Variants in ARHGAP30 observed in about 807,000 individuals in gnomAD.
The protein encoded by ARHGAP30 is rho GTPase-activating protein 30.
Under a neutral mutation model 72.0 loss-of-function variants are expected in ARHGAP30, and 23 were observed. That is an observed-to-expected ratio of 0.32 (90% confidence interval 0.23 to 0.45). The LOEUF (loss-of-function observed/expected upper bound fraction) is 0.45. Ranked by LOEUF, ARHGAP30 falls within the 20% of genes least tolerant of loss-of-function variation. The pLI is 1.00. For missense variants in ARHGAP30, 1,319 were observed against 1,383.4 expected (o/e 0.95, Z 0.74); for synonymous variants, 576 against 528.2 (o/e 1.09, Z -1.24).
rs1343680037 is a variant in ARHGAP30, at chr1:161,053,498, CTCTCTCTCGA to C, written c.537-123_537-114del. On this transcript the variant is annotated intron_variant, in intron 5 of 11. Transcript: ENST00000368013. Reference sequence around the variant, plus strand: ...TCTCTCTCTCTCTCTCTCTCTCTCTCTCTCTCTCGAATGACCTTAACCCCTTCTCTACCTC... The same window carrying C: ...TCTCTCTCTCTCTCTCTCTCTCTCTCATGACCTTAACCCCTTCTCTACCTC... 4.4e-5 allele frequency: 40 copies of C among 919,534 alleles called. No homozygotes were observed. In the African/African-American group the frequency reaches 1.8e-3, roughly 42 times the overall value. 57.0% of individuals were successfully genotyped at this position (919,534 alleles called of 1,614,324 possible).
chr1:161,051,910 C>T (rs975101618), intron 9 of ARHGAP30, among the ~76,000 whole-genome samples, 195 bp from the exon 10 acceptor site: 4 of 152,028 alleles, frequency 2.6e-5, no homozygotes, highest in African/African-American at 7.2e-5. Context: ...GATCACCTCA[C>T]CTTCACATAC....
chr1:161,052,258 A>G (rs771704290), intron 9 of ARHGAP30, 28 bp downstream of exon 9: 49 of 1,612,680 alleles, frequency 3.0e-5, no homozygotes, highest in South Asian at 5.5e-5. Flanking sequence ...ACACACACAT[A>G]CACACAGAAA....
chr1:161,049,106 C>T lies in ARHGAP30; in HGVS notation c.1915G>A (p.Gly639Arg), dbSNP rs36089872. The T allele has an allele frequency of 0.021, 33,625 of 1,614,176 alleles. 458 individuals carry two copies. The highest frequency in any genetic ancestry group is 0.024 in the Non-Finnish European group (28,173 of 1,180,026). The change falls in exon 12 of 12, where the codon GGA becomes AGA. Residue 639 changes from glycine to arginine, a missense_variant. By Grantham distance (125) the Gly-to-Arg change is moderately radical. Transcript: ENST00000368013. ...TGTCCCAGAGCCTGCCTTCCACATC[C>T]TGCTGCCTCTCCCTCCAGACTCCCT... ...GSGSLEGEAA[G>R]CGRQALGQGG...
chr1:161,063,405 C>G (rs1010904085), intron 1 of ARHGAP30, among the ~76,000 whole-genome samples: 2 of 152,214 alleles, frequency 1.3e-5, no homozygotes, highest in Non-Finnish European at 2.9e-5. Flanking sequence ...AATCTCTAAA[C>G]ATAAATTGTA....
Position 161,047,865 on chromosome 1 carries a change from G to A in ARHGAP30, c.3156C>T (p.Leu1052=), listed in dbSNP as rs1650980577. Reference sequence around the variant, plus strand: ...CAGACCCTTCTGCACCTTCAGATGGGAGCTCCAGGCAGCTAAGGGGCCGAG... The same window carrying A: ...CAGACCCTTCTGCACCTTCAGATGGAAGCTCCAGGCAGCTAAGGGGCCGAG... The part of the protein sequence containing the change: ...HSPRPLSCLE[L]PSEGAEGSGS... The change falls in exon 12 of 12, where the codon CTC becomes CTT. Residue 1052 remains leucine (L), a synonymous_variant. Transcript: ENST00000368013. 4.3e-6 allele frequency: 7 copies of A among 1,611,694 alleles called. No homozygotes were observed. In the East Asian group the frequency reaches 8.9e-5, roughly 21 times the overall value.
At position 161,053,202 on chromosome 1, in the gene ARHGAP30, G is replaced by C. The variant is rs1023611707; in HGVS notation, c.664+56C>G. ...AAGTAGGTGATCTTCAAGGCTCTCT[G>C]TAACTAACTTGACTCCCCAACAGTG... On this transcript the variant is annotated intron_variant, in intron 6 of 11. Coordinates refer to ENST00000368013, the MANE Select transcript of ARHGAP30 (RefSeq NM_001025598.2). 1.2e-5 allele frequency: 20 copies of C among 1,604,268 alleles called. No homozygotes were observed. The Admixed American group carries it at 1.4e-4, about 11-fold the overall frequency.
chr1:161,068,596 C>A (rs1652932459), intron 1 of ARHGAP30, among the ~76,000 whole-genome samples: 1 of 152,128 alleles, frequency 6.6e-6, no homozygotes, highest in Non-Finnish European at 1.5e-5. Context: ...AAGAATTATG[C>A]CTTTCTCTAG....
Position 161,053,053 on chromosome 1 carries a change from C to T in ARHGAP30, c.664+205G>A, listed in dbSNP as rs1651535119. ...AGCCTTGGGAGCCAGGATGGTGACT[C>T]AGAGGTCAAGCCATGCCCTAGACTG... On this transcript the variant is annotated intron_variant, in intron 6 of 11. Transcript: ENST00000368013. The T allele has an allele frequency of 3.3e-6, 3 of 898,128 alleles. No individual in the cohort carries two copies. The South Asian group carries it at 5.3e-5, about 16-fold the overall frequency. 55.6% of individuals were successfully genotyped at this position (898,128 alleles called of 1,614,324 possible). A position where few individuals can be genotyped will look rare whatever the true frequency, so the allele number is the denominator to read the frequency against.
intron 2 of ARHGAP30, 67 bp from the exon 3 acceptor site, chr1:161,056,599 T>C (rs1159040569): frequency 5.8e-6 from 9 of 1,543,136 alleles, no homozygotes; most frequent in Non-Finnish European, 7.9e-6. Flanking sequence ...TGGGTCCCTA[T>C]AGAGATGGGT....
At chr1:161,065,799 T>A (rs1275678387) in intron 1 of ARHGAP30, among the ~76,000 whole-genome samples, 1 of 151,982 alleles carries the variant, frequency 6.6e-6, no homozygotes, top group African/African-American at 2.4e-5. Context: ...ACTCCCGACC[T>A]CAGGTGATCC....
intron 1 of ARHGAP30, among the ~76,000 whole-genome samples, chr1:161,065,361 G>A (rs76157629): frequency 3.4e-3 from 513 of 152,224 alleles, no homozygotes; most frequent in Non-Finnish European, 5.3e-3. Flanking sequence ...TCTGGGTGCT[G>A]ATCTTTCTCT....
rs1650947653 is a variant in ARHGAP30, at chr1:161,047,604, C to CT, written c.*110dup. 3 of 1,239,904 alleles carry CT rather than the reference C, an allele frequency of 2.4e-6. No homozygotes were observed. Among genetic ancestry groups the CT allele is most frequent in the Middle Eastern group, 2.7e-4 (1 of 3,710 alleles). 76.8% of individuals were successfully genotyped at this position (1,239,904 alleles called of 1,614,324 possible). A position where few individuals can be genotyped will look rare whatever the true frequency, so the allele number is the denominator to read the frequency against. On this transcript the variant is annotated 3_prime_UTR_variant, in exon 12 of 12. Transcript: ENST00000368013. ...AAGAGAGAAGCTGGAGGGCCAAAGC[C>CT]TATAGAGTTGGGCACTACAGCTGCT... is the stretch of plus-strand genomic sequence containing the variant.
rs778067905 is a variant in ARHGAP30, at chr1:161,056,465, C to T, written c.268G>A (p.Val90Ile). 36 of 1,613,922 alleles carry T rather than the reference C, an allele frequency of 2.2e-5. No individual in the cohort carries two copies. The highest frequency in any genetic ancestry group is 1.4e-4 in the South Asian group (13 of 91,016). The change falls in exon 3 of 12, where the codon GTC (valine) becomes ATC (isoleucine). Residue 90 changes from valine (V) to isoleucine (I), a missense_variant. Val to Ile is a conservative substitution (Grantham distance 29). This residue lies in a region of ARHGAP30 where 222 missense variants were observed against 338.2 expected (regional missense o/e 0.66). Coordinates refer to ENST00000368013, the MANE Select transcript of ARHGAP30 (RefSeq NM_001025598.2). ...AAATAGGCCTTGCACAGGGAGGAGA[C>T]GCAGTGAATGTCTTGGAGGTAAACA... ...RDVYLQDIHCVSSLCKAYFRE... is the reference protein window; with the variant it reads ...RDVYLQDIHCISSLCKAYFRE...
At position 161,056,526 on chromosome 1, in the gene ARHGAP30, T is replaced by G. The variant is rs1177097848; in HGVS notation, c.207A>C (p.Glu69Asp). ...GGTCTGGCTTCCGCTCTGACTCAAATTCCTGCCTGGGGAGGCGCGGTGTGG... is the reference window on the plus strand; with the variant it reads ...GGTCTGGCTTCCGCTCTGACTCAAAGTCCTGCCTGGGGAGGCGCGGTGTGG... The part of the protein sequence containing the change: ...VSSNIQKLRQ[E>D]FESERKPDLR... The change falls in exon 3 of 12, where the codon GAA becomes GAC. Residue 69 changes from glutamate (E) to aspartate (D), a missense_variant. Glu to Asp is a conservative substitution (Grantham distance 45). Around this residue, in one of 2 missense-constraint regions of ARHGAP30, gnomAD observed 222 missense variants for 338.2 expected, o/e 0.66. Transcript: ENST00000368013. The G allele has an allele frequency of 6.2e-7, 1 of 1,613,100 alleles. No homozygotes were observed. Among genetic ancestry groups the G allele is most frequent in the Non-Finnish European group, 8.5e-7 (1 of 1,179,908 alleles).
At position 161,053,301 on chromosome 1, in the gene ARHGAP30, G is replaced by A; in HGVS notation, c.621C>T (p.Ile207=). ...VRVQSIVVEF[I]LTHVDQLFGG... is the part of the protein sequence containing the mutation. Reference sequence around the variant, plus strand: ...CAAAGAGCTGGTCCACGTGTGTGAGGATGAACTCCACGACGATGGATTGTA... The same window carrying A: ...CAAAGAGCTGGTCCACGTGTGTGAGAATGAACTCCACGACGATGGATTGTA... The change falls in exon 6 of 12, where the codon ATC becomes ATT. Residue 207 remains isoleucine (I), a synonymous_variant. Coordinates refer to ENST00000368013, the MANE Select transcript of ARHGAP30 (RefSeq NM_001025598.2). 1.2e-6 allele frequency: 2 copies of A among 1,613,992 alleles called. No individual in the cohort carries two copies. Among genetic ancestry groups the A allele is most frequent in the Non-Finnish European group, 1.7e-6 (2 of 1,180,020 alleles).
chr1:161,053,191 C>G (rs1185559733), intron 6 of ARHGAP30, 67 bp downstream of exon 6: 2 of 1,594,840 alleles, frequency 1.3e-6, no homozygotes, highest in African/African-American at 1.3e-5. Flanking sequence ...AGGTGATCTT[C>G]AAGGCTCTCT....
chr1:161,067,367 C>G (rs946029792), intron 1 of ARHGAP30, among the ~76,000 whole-genome samples: 6 of 151,994 alleles, frequency 3.9e-5, no homozygotes, highest in African/African-American at 1.5e-4. Flanking sequence ...GGTCAGTGTT[C>G]GAGACCAGCC....
chr1:161,062,145 G>A (rs1571113716), intron 1 of ARHGAP30, among the ~76,000 whole-genome samples: 3 of 151,800 alleles, frequency 2.0e-5, no homozygotes, highest in Non-Finnish European at 2.9e-5. Flanking sequence ...ACCAGGCCAC[G>A]TAGTTATCTT....
Position 161,047,133 on chromosome 1 carries a change from G to A in ARHGAP30, c.*582C>T, listed in dbSNP as rs769828669. Reference sequence around the variant, plus strand: ...CTGTACAGGACCTCTCTTGCACATGGTGACTGGAGGCAGAGGGTGGGGAGC... The same window carrying A: ...CTGTACAGGACCTCTCTTGCACATGATGACTGGAGGCAGAGGGTGGGGAGC... On this transcript the variant is annotated 3_prime_UTR_variant, in exon 12 of 12. Transcript: ENST00000368013. The A allele has an allele frequency of 2.2e-5, 6 of 273,218 alleles. No homozygotes were observed. The highest frequency in any genetic ancestry group is 1.8e-4 in the South Asian group (6 of 32,752). 16.9% of individuals were successfully genotyped at this position (273,218 alleles called of 1,614,324 possible).
Sources: allele counts gnomAD v4.1 joint callset (sites outside exome capture counted in the v4.1 genomes callset), GRCh38; gene constraint gnomAD v4.1.1; regional missense constraint gnomAD v4.1.1; transcripts MANE v1.5; gene names NCBI Gene and HGNC (gene_info 2026-07-23, HGNC 2026-07-21).